ENTREP2: variants seen among roughly 807,000 people sequenced by gnomAD.
ENTREP2 encodes the protein endosomal transmembrane epsin interactor 2.
the ENTREP2 span, among the ~76,000 whole-genome samples, chr15:29,615,573 C>A: frequency 6.6e-6 from 1 of 152,072 alleles, no homozygotes; most frequent in African/African-American, 2.4e-5. Flanking sequence ...TTGTCTTACC[C>A]CTTAAAAGGT....
the ENTREP2 span, among the ~76,000 whole-genome samples, chr15:29,297,736 C>A: frequency 6.6e-5 from 10 of 152,134 alleles, no homozygotes. Flanking sequence ...ATACAGAACA[C>A]AGGAACATTT....
chr15:29,275,781 A>G, the ENTREP2 span, among the ~76,000 whole-genome samples: 1 of 152,130 alleles, frequency 6.6e-6, no homozygotes, highest in African/African-American at 2.4e-5. Flanking sequence ...AAAGGCTTTA[A>G]TTTTTCTGAC....
the ENTREP2 span, among the ~76,000 whole-genome samples, chr15:29,656,167 CA>C: frequency 1.3e-5 from 2 of 150,196 alleles, no homozygotes; most frequent in African/African-American, 4.9e-5. Context: ...TTCATATAAA[CA>C]AAAATTGAGA....
the ENTREP2 span, among the ~76,000 whole-genome samples, chr15:29,220,265 T>C: frequency 2.6e-5 from 4 of 152,320 alleles, no homozygotes; most frequent in East Asian, 3.9e-4. Flanking sequence ...CTAGTTTTCA[T>C]TTAGCGCATG....
chr15:29,526,375 C>T, the ENTREP2 span, among the ~76,000 whole-genome samples: 1 of 151,824 alleles, frequency 6.6e-6, no homozygotes, highest in Admixed American at 6.6e-5. Context: ...ACATCATTCC[C>T]TCTTTCCTCC....
the ENTREP2 span, chr15:29,269,256 G>A: frequency 9.9e-6 from 16 of 1,614,020 alleles, no homozygotes; most frequent in East Asian, 2.2e-5. Context: ...GGATGTAAGT[G>A]TTGCTCTTGG....
the ENTREP2 span, among the ~76,000 whole-genome samples, chr15:29,313,642 C>A: frequency 6.6e-6 from 1 of 152,138 alleles, no homozygotes. Flanking sequence ...TGTTTATTGA[C>A]AATACACCTA....
the ENTREP2 span, among the ~76,000 whole-genome samples, chr15:29,525,905 A>T: frequency 1.3e-5 from 2 of 152,232 alleles, no homozygotes; most frequent in Non-Finnish European, 2.9e-5. Flanking sequence ...AAACACAGAA[A>T]TAAGGCCCTC....
At chr15:29,133,480 C>T in the ENTREP2 span, among the ~76,000 whole-genome samples, 6 of 152,166 alleles carry the variant, frequency 3.9e-5, no homozygotes, top group Non-Finnish European at 7.3e-5. Flanking sequence ...ACGTGCCGTC[C>T]ACTCCTTTAC....
the ENTREP2 span, among the ~76,000 whole-genome samples, chr15:29,485,746 T>TTC: frequency 3.9e-5 from 6 of 152,126 alleles, no homozygotes; most frequent in African/African-American, 1.4e-4. Flanking sequence ...GGCCAGGAGA[T>TTC]ATATGAAAGA....
chr15:29,370,284 T>C, the ENTREP2 span, among the ~76,000 whole-genome samples: 2 of 152,134 alleles, frequency 1.3e-5, no homozygotes, highest in Non-Finnish European at 2.9e-5. Flanking sequence ...GAAAATAATA[T>C]ACTGTGCAAA....
chr15:29,184,785 C>CT, the ENTREP2 span, among the ~76,000 whole-genome samples: 5 of 152,290 alleles, frequency 3.3e-5, no homozygotes, highest in South Asian at 1.0e-3. Context: ...GTGCCCTGTC[C>CT]TGTGGCCCCT....
chr15:29,345,760 G>A, the ENTREP2 span, among the ~76,000 whole-genome samples: 5 of 152,030 alleles, frequency 3.3e-5, no homozygotes, highest in East Asian at 1.9e-4. Flanking sequence ...CAACCCCAGC[G>A]GGGAGAGCTG....
At chr15:29,537,039 C>T in the ENTREP2 span, among the ~76,000 whole-genome samples, 1 of 152,194 alleles carries the variant, frequency 6.6e-6, no homozygotes, top group African/African-American at 2.4e-5. Flanking sequence ...CTAATCTGGG[C>T]AGCTCTAGCA....
the ENTREP2 span, among the ~76,000 whole-genome samples, chr15:29,665,702 A>G: frequency 6.6e-6 from 1 of 152,094 alleles, no homozygotes; most frequent in African/African-American, 2.4e-5. Context: ...GGGAGGCCAC[A>G]TCTTGGACTC....
At chr15:29,394,130 G>C in the ENTREP2 span, among the ~76,000 whole-genome samples, 1 of 152,120 alleles carries the variant, frequency 6.6e-6, no homozygotes, top group Non-Finnish European at 1.5e-5. Flanking sequence ...CTGAGACATA[G>C]GAAGGAAGAT....
chr15:29,581,279 G>C, the ENTREP2 span, among the ~76,000 whole-genome samples: 1 of 152,046 alleles, frequency 6.6e-6, no homozygotes, highest in Admixed American at 6.6e-5. Context: ...TAGGGATTAA[G>C]TATCGTTGAT....
At chr15:29,626,215 G>A in the ENTREP2 span, among the ~76,000 whole-genome samples, 1 of 152,160 alleles carries the variant, frequency 6.6e-6, no homozygotes, top group Non-Finnish European at 1.5e-5. Context: ...AGCTCTAGGA[G>A]TTTTCCTAGA....
the ENTREP2 span, among the ~76,000 whole-genome samples, chr15:29,305,900 G>C: frequency 6.6e-6 from 1 of 152,208 alleles, no homozygotes; most frequent in Non-Finnish European, 1.5e-5. Flanking sequence ...TCGGGGCTTC[G>C]TGCTGAAGCA....
Sources: allele counts gnomAD v4.1 joint callset (sites outside exome capture counted in the v4.1 genomes callset), GRCh38; gene constraint gnomAD v4.1.1; transcripts MANE v1.5; gene names NCBI Gene and HGNC (gene_info 2026-07-23, HGNC 2026-07-21).